The following DLG2 variants were observed in gnomAD, a reference collection of about 807,000 sequenced individuals.
DLG2 encodes the protein discs large MAGUK scaffold protein 2.
A neutral mutation model predicts 132.5 loss-of-function variants in DLG2; 45 were observed. The observed-to-expected ratio is 0.34, with a 90% CI of 0.27 to 0.44. The LOEUF is 0.44. Among genes scored for constraint, DLG2 ranks in the 20% least tolerant of loss-of-function variants. DLG2 has a pLI of 1.00. For synonymous variants in DLG2, 424 were observed against 419.6 expected, an observed-to-expected ratio of 1.01 and a Z score of -0.13; for missense variants, 1,045 against 1,196.9, an observed-to-expected ratio of 0.87 and a Z score of 1.87.
chr11:83,562,429 C>T (rs1393507340), intron 19 of DLG2, among the ~76,000 whole-genome samples: 4 of 151,856 alleles, frequency 2.6e-5, no homozygotes, highest in Admixed American at 6.5e-5. Flanking sequence ...GTACCATTTA[C>T]CCCTGACCAC....
chr11:85,466,165 C>T (rs1013275086), intron 3 of DLG2, among the ~76,000 whole-genome samples: 37 of 151,944 alleles, frequency 2.4e-4, no homozygotes, highest in Non-Finnish European at 8.8e-5. Context: ...TTGTTTTTTT[C>T]TTGTAAATTT....
chr11:85,095,381 C>T lies in DLG2; in HGVS notation c.357+16280G>A, dbSNP rs73523485. 2.7e-3 allele frequency among the ~76,000 whole-genome samples: 408 copies of T among 152,238 alleles called. 2 individuals are homozygous for T. Among genetic ancestry groups the T allele is most frequent in the African/African-American group, 9.5e-3 (395 of 41,554 alleles). ...AAAGTGAAGGTGCAATAAAATGAGTCATTTTTGTATTGTAAACATTCTCTT... is the reference window on the plus strand; with the variant it reads ...AAAGTGAAGGTGCAATAAAATGAGTTATTTTTGTATTGTAAACATTCTCTT... On this transcript the variant is annotated intron_variant, in intron 6 of 27. Coordinates refer to ENST00000376104, the MANE Select transcript of DLG2 (RefSeq NM_001142699.3).
chr11:85,157,513 T>C (rs2077675019), intron 4 of DLG2, among the ~76,000 whole-genome samples: 1 of 152,202 alleles, frequency 6.6e-6, no homozygotes. Context: ...TTAGCGACTC[T>C]ATACATAATA....
intron 19 of DLG2, among the ~76,000 whole-genome samples, chr11:83,623,900 C>CT (rs11389483): frequency 0.039 from 5,938 of 152,188 alleles, 416 homozygotes; most frequent in African/African-American, 0.14. Context: ...CTGTGTCTTA[C>CT]TTTTTACTAT....
At chr11:85,154,477 C>T in intron 5 of DLG2, 79 bp downstream of exon 5, 1 of 764,202 alleles carries the variant, frequency 1.3e-6, no homozygotes, top group South Asian at 1.9e-5. Flanking sequence ...TTCTTTAACA[C>T]TACTAGCACT....
At chr11:85,002,467 C>A (rs1228107859) in intron 6 of DLG2, among the ~76,000 whole-genome samples, 2 of 152,108 alleles carry the variant, frequency 1.3e-5, no homozygotes, top group Admixed American at 6.6e-5. Flanking sequence ...CTTGGACTAT[C>A]AGAAGTCTGT....
intron 18 of DLG2, among the ~76,000 whole-genome samples, chr11:83,745,954 G>A (rs1226593111): frequency 6.6e-6 from 1 of 152,182 alleles, no homozygotes; most frequent in Non-Finnish European, 1.5e-5. Flanking sequence ...AGACATTTAT[G>A]CAGCCAACAG....
At chr11:83,588,403 A>G (rs2097130547) in intron 19 of DLG2, among the ~76,000 whole-genome samples, 1 of 151,892 alleles carries the variant, frequency 6.6e-6, no homozygotes. Context: ...GGGTATTCCA[A>G]CAGACCTGCA....
At chr11:85,280,665 C>A (rs568955924) in intron 4 of DLG2, among the ~76,000 whole-genome samples, 7 of 151,930 alleles carry the variant, frequency 4.6e-5, no homozygotes, top group African/African-American at 1.4e-4. Flanking sequence ...ACCAAAAAAA[C>A]CCATAAATGA....
In DLG2 at chr11:83,743,433, T is replaced by TCTTTTTC. The variant is rs546782147; in HGVS notation, c.1825+43256_1825+43257insGAAAAAG. On this transcript the variant is annotated intron_variant, in intron 18 of 27. Transcript: ENST00000376104. ...GTACATAACAGTGGGCAGGCCATTT[T>TCTTTTTC]TTTTTTTTTTTTTTTTATGACAGGG... 7.9e-4 allele frequency among the ~76,000 whole-genome samples: 101 copies of TCTTTTTC among 127,614 alleles called. 2 individuals carry two copies. The highest frequency in any genetic ancestry group is 4.3e-3 in the Middle Eastern group (1 of 230). The allele number at this position is 127,614 out of a possible 152,430, so 83.7% of individuals were successfully genotyped here. A position where few individuals can be genotyped will look rare whatever the true frequency, so the allele number is the denominator to read the frequency against.
intron 6 of DLG2, among the ~76,000 whole-genome samples, chr11:84,883,344 C>A (rs930525173): frequency 6.6e-6 from 1 of 151,824 alleles, no homozygotes; most frequent in Admixed American, 6.6e-5. Context: ...AGCATTAAGA[C>A]AAATACCTAA....
At chr11:83,479,686 AC>A (rs1305157442) in intron 22 of DLG2, among the ~76,000 whole-genome samples, 3 of 152,122 alleles carry the variant, frequency 2.0e-5, no homozygotes, top group Non-Finnish European at 4.4e-5. Context: ...GCTTGAGGTG[AC>A]CAAACAAAGA....
chr11:85,207,673 A>G (rs1455753296), intron 4 of DLG2, among the ~76,000 whole-genome samples: 1 of 152,162 alleles, frequency 6.6e-6, no homozygotes, highest in African/African-American at 2.4e-5. Flanking sequence ...AAGAAATATG[A>G]AAAGAATGAA....
chr11:85,487,965 T>C (rs1418356680), intron 3 of DLG2, among the ~76,000 whole-genome samples: 1 of 152,216 alleles, frequency 6.6e-6, no homozygotes, highest in African/African-American at 2.4e-5. Context: ...CAGTGGGAGA[T>C]AATTAGAATC....
chr11:84,335,092 C>CCTT (rs1216985751), intron 7 of DLG2, among the ~76,000 whole-genome samples: 1 of 145,554 alleles, frequency 6.9e-6, no homozygotes, highest in African/African-American at 2.5e-5. Context: ...TAAGTCAAAT[C>CCTT]CTTATATTTT....
intron 6 of DLG2, among the ~76,000 whole-genome samples, chr11:85,084,882 C>A (rs757007734): frequency 6.6e-6 from 1 of 152,104 alleles, no homozygotes; most frequent in Non-Finnish European, 1.5e-5. Context: ...AGAGAAAGCA[C>A]GAGTTTCTCA....
intron 6 of DLG2, among the ~76,000 whole-genome samples, chr11:84,952,166 T>A (rs752645838): frequency 1.3e-5 from 2 of 152,210 alleles, no homozygotes; most frequent in South Asian, 2.1e-4. Flanking sequence ...CCATTAAATA[T>A]ACAAAAGAAA....
At chr11:84,573,900 G>A (rs2099492051) in intron 6 of DLG2, among the ~76,000 whole-genome samples, 1 of 152,150 alleles carries the variant, frequency 6.6e-6, no homozygotes, top group Non-Finnish European at 1.5e-5. Flanking sequence ...TAACTGAGAA[G>A]AACTATGAAG....
chr11:85,059,261 T>C (rs1263365411), intron 6 of DLG2, among the ~76,000 whole-genome samples: 1 of 150,986 alleles, frequency 6.6e-6, no homozygotes, highest in Non-Finnish European at 1.5e-5. Context: ...CCTAACAAAG[T>C]AGCTACTGAA....
Sources: gnomAD v4.1 joint callset for allele counts (sites outside exome capture counted in the v4.1 genomes callset) on GRCh38, gnomAD v4.1.1 for gene constraint, MANE v1.5 for transcripts, NCBI Gene and HGNC (gene_info 2026-07-23, HGNC 2026-07-21) for gene names.